Variants in CCDC178 observed in about 807,000 individuals in gnomAD.
CCDC178 encodes the protein coiled-coil domain containing 178, also known as coiled-coil domain-containing protein 178.
In CCDC178, 126 loss-of-function variants were observed where a neutral mutation model predicts 117.4. The observed-to-expected ratio is 1.07, with a 90% CI of 0.93 to 1.24. CCDC178 has a LOEUF of 1.24. Among genes scored for constraint, CCDC178 ranks in the 50% most tolerant of loss-of-function variants. The pLI, the probability that CCDC178 is intolerant of heterozygous loss-of-function variation, is 0.00. For missense variants in CCDC178, 1,030 were observed against 986.9 expected (o/e 1.04, Z -0.59); for synonymous variants, 283 against 313.4 (o/e 0.90, Z 1.02).
At chr18:33,063,020 AC>A (rs2056951537) in intron 21 of CCDC178, among the ~76,000 whole-genome samples, 1 of 152,194 alleles carries the variant, frequency 6.6e-6, no homozygotes, top group African/African-American at 2.4e-5. Context: ...GCCCTGGGCC[AC>A]TGACACTGAC....
chr18:33,013,745 T>C (rs1035770235), intron 21 of CCDC178, among the ~76,000 whole-genome samples: 9 of 152,174 alleles, frequency 5.9e-5, no homozygotes, highest in Non-Finnish European at 8.8e-5. Flanking sequence ...GTGTCAATAT[T>C]GCACTTTCCC....
intron 10 of CCDC178, among the ~76,000 whole-genome samples, chr18:33,331,026 C>CTTTTTTTTTTTTGTTTTTTTTTTTTTTTT (rs2062660906): frequency 4.4e-5 from 2 of 45,060 alleles, no homozygotes; most frequent in East Asian, 7.0e-4. Context: ...ACAAACATTG[C>CTTTTTTTTTTTTGTTTTTTTTTTTTTTTT]TTTTTTTTTT....
At position 33,346,229 on chromosome 18, in the gene CCDC178, G is replaced by C. The variant is rs1314108944; in HGVS notation, c.640C>G (p.Pro214Ala). The stretch of plus-strand genomic sequence containing the variant: ...TTATTACCTTTCTGCACAGCCAATG[G>C]GAGTTCTTGAAGTTTCCAGACTGAC... The part of the protein sequence containing the change: ...SWSVWKLQEL[P>A]LAVQKEHEAY... Residue 214 changes from proline (P) to alanine (A), a missense_variant, in exon 9 of 23, where the codon CCA becomes GCA. Pro to Ala is a conservative substitution (Grantham distance 27). Coordinates refer to ENST00000383096, the MANE Select transcript of CCDC178 (RefSeq NM_001105528.4). 1 of 1,612,182 alleles carries C rather than the reference G, an allele frequency of 6.2e-7. No homozygotes were observed.
At chr18:33,292,336 C>G (rs2060176998) in intron 12 of CCDC178, among the ~76,000 whole-genome samples, 1 of 152,020 alleles carries the variant, frequency 6.6e-6, no homozygotes, top group Non-Finnish European at 1.5e-5. Flanking sequence ...AAAATGAATA[C>G]CATATGTTCT....
intron 20 of CCDC178, among the ~76,000 whole-genome samples, chr18:33,170,156 C>T (rs1643330421): frequency 6.6e-6 from 1 of 151,926 alleles, no homozygotes; most frequent in South Asian, 2.1e-4. Context: ...TTCAGGAAGA[C>T]GTCCTTCTCT....
At chr18:33,247,506 A>T (rs974605756) in intron 14 of CCDC178, among the ~76,000 whole-genome samples, 2 of 151,884 alleles carry the variant, frequency 1.3e-5, no homozygotes, top group Non-Finnish European at 2.9e-5. Context: ...AGAGACAAAG[A>T]GAGTTTTGGA....
intron 20 of CCDC178, among the ~76,000 whole-genome samples, chr18:33,159,466 C>G: frequency 6.6e-6 from 1 of 152,072 alleles, no homozygotes; most frequent in African/African-American, 2.4e-5. Flanking sequence ...AAGAGGTTAG[C>G]AGAGCTAGTT....
chr18:32,937,850 C>A lies in CCDC178; in HGVS notation c.*161G>T. On this transcript the variant is annotated 3_prime_UTR_variant, in exon 23 of 23. Transcript: ENST00000383096. ...CACCTGTTTCATTGTTATGGATTTG[C>A]TGTGAGTAAAAGAGTGGCAAAGCAT... 1.6e-6 allele frequency: 1 copy of A among 606,118 alleles called. No individual in the cohort carries two copies. 37.5% of individuals were successfully genotyped at this position (606,118 alleles called of 1,614,324 possible).
At position 33,226,855 on chromosome 18, in the gene CCDC178, C is replaced by G. The variant is rs551885502; in HGVS notation, c.1594G>C (p.Gly532Arg). ...AGTTTTTTCAGGAATTCTTCTCTAC[C>G]CTATATGTTAGGAAATTTTTAAAAT... ...KIAEVRRKFKGREEFLKKLTQ... is the reference protein window; with the variant it reads ...KIAEVRRKFKRREEFLKKLTQ... Residue 532 changes from glycine to arginine, a missense_variant and splice_region_variant, in exon 16 of 23, where the codon GGT becomes CGT. By Grantham distance (125) the Gly-to-Arg change is moderately radical. Transcript: ENST00000383096. 6.5e-7 allele frequency: 1 copy of G among 1,542,554 alleles called. No homozygotes were observed. Among genetic ancestry groups the G allele is most frequent in the East Asian group, 2.3e-5 (1 of 42,820 alleles).
At chr18:32,952,927 C>G (rs2054520326) in intron 22 of CCDC178, among the ~76,000 whole-genome samples, 1 of 151,948 alleles carries the variant, frequency 6.6e-6, no homozygotes, top group African/African-American at 2.4e-5. Flanking sequence ...CACCCACCAC[C>G]ATGCCTGGCT....
chr18:33,167,866 C>CTAAATAAATAAA (rs34929402), intron 20 of CCDC178, among the ~76,000 whole-genome samples: 3,923 of 148,692 alleles, frequency 0.026, 87 homozygotes, highest in Middle Eastern at 0.062. Context: ...GACTCTGTCT[C>CTAAATAAATAAA]TAAATAAATA....
At chr18:33,195,514 C>A (rs2058920297) in intron 20 of CCDC178, among the ~76,000 whole-genome samples, 1 of 152,102 alleles carries the variant, frequency 6.6e-6, no homozygotes, top group Admixed American at 6.5e-5. Flanking sequence ...CTTCATTCTG[C>A]AGCTCTTTTC....
intron 10 of CCDC178, among the ~76,000 whole-genome samples, chr18:33,325,439 A>G (rs2062571477): frequency 6.6e-6 from 1 of 152,032 alleles, no homozygotes; most frequent in South Asian, 2.1e-4. Context: ...TAATTTTTCA[A>G]ATATGTATTT....
Position 33,324,023 on chromosome 18 carries a change from T to C in CCDC178, c.880-390A>G, listed in dbSNP as rs376686059. ...TATTCTTAGGTTGGTGCAAAAGTAA[T>C]TGTGGTTTTTGCCATTAAAAGTATG... is the stretch of plus-strand genomic sequence containing the variant. On this transcript the variant is annotated intron_variant, in intron 10 of 22. Transcript: ENST00000383096. Among the ~76,000 whole-genome samples, 25 of 151,994 alleles carry C rather than the reference T, an allele frequency of 1.6e-4. 1 individual carries two copies. The South Asian group carries it at 3.5e-3, about 21-fold the overall frequency.
chr18:32,975,543 A>G (rs2055012585), intron 21 of CCDC178, among the ~76,000 whole-genome samples: 1 of 152,188 alleles, frequency 6.6e-6, no homozygotes, highest in Non-Finnish European at 1.5e-5. Flanking sequence ...AGGGATAAAC[A>G]TAAAATTAAC....
intron 21 of CCDC178, among the ~76,000 whole-genome samples, chr18:32,991,236 T>G (rs1191618284): frequency 2.0e-5 from 3 of 152,178 alleles, no homozygotes; most frequent in African/African-American, 7.2e-5. Context: ...TATCCTATCC[T>G]TTTAATCATT....
intron 12 of CCDC178, among the ~76,000 whole-genome samples, chr18:33,292,120 T>C (rs1386084020): frequency 6.8e-6 from 1 of 147,820 alleles, no homozygotes; most frequent in East Asian, 2.0e-4. Flanking sequence ...GTCAAAGAGA[T>C]ATCTACACCT....
chr18:33,043,887 C>T (rs547807970), intron 21 of CCDC178, among the ~76,000 whole-genome samples: 7 of 151,698 alleles, frequency 4.6e-5, no homozygotes, highest in Admixed American at 3.3e-4. Context: ...TTTAATTCAA[C>T]TTGTAGCAAT....
At chr18:33,248,064 A>C (rs761116801) in intron 14 of CCDC178, among the ~76,000 whole-genome samples, 4 of 151,838 alleles carry the variant, frequency 2.6e-5, no homozygotes, top group Non-Finnish European at 5.9e-5. Flanking sequence ...CTATAGCTAA[A>C]GATATTGTGA....
Sources: gnomAD v4.1 joint callset for allele counts (sites outside exome capture counted in the v4.1 genomes callset) on GRCh38, gnomAD v4.1.1 for gene constraint, MANE v1.5 for transcripts, NCBI Gene and HGNC (gene_info 2026-07-23, HGNC 2026-07-21) for gene names.